RACGAP1: variants seen among roughly 807,000 people sequenced by gnomAD.
RACGAP1 encodes rac GTPase-activating protein 1.
In RACGAP1, 30 loss-of-function variants were observed where a neutral mutation model predicts 78.1. The ratio of observed to expected loss-of-function variants is 0.38; its 90% confidence interval spans 0.29 to 0.52. The LOEUF is 0.52. RACGAP1 is among the 20% of genes least tolerant of loss of function. The probability of loss-of-function intolerance (pLI) is 0.82; values close to 1 mark genes in which losing one functional copy is unlikely to be tolerated. For missense variants in RACGAP1, 587 were observed against 777.1 expected (o/e 0.76, Z 2.91); for synonymous variants, 231 against 264.8 (o/e 0.87, Z 1.24).
intron 12 of RACGAP1, among the ~76,000 whole-genome samples, chr12:49,993,908 G>C (rs990666912): frequency 1.3e-5 from 2 of 150,256 alleles, no homozygotes; most frequent in African/African-American, 4.9e-5. Flanking sequence ...AACCAGGCAT[G>C]GTGGCACACG....
Position 50,006,566 on chromosome 12 carries a change from C to T in RACGAP1, c.156G>A (p.Gly52=). The T allele has an allele frequency of 6.2e-7, 1 of 1,614,194 alleles. No individual in the cohort carries two copies. The highest frequency in any genetic ancestry group is 8.5e-7 in the Non-Finnish European group (1 of 1,180,028). ...CTTTCATCAAAAGATCCTTGTATTT[C>T]CCCAGCTCATGGTCAGTCCTCTGCC... The part of the protein sequence containing the change: ...KKWQRTDHEL[G]KYKDLLMKAE... The change falls in exon 3 of 17, where the codon GGG becomes GGA. Residue 52 remains glycine, a synonymous_variant. Coordinates refer to ENST00000312377, the MANE Select transcript of RACGAP1 (RefSeq NM_001319999.2).
At position 50,006,511 on chromosome 12, in the gene RACGAP1, T is replaced by C; in HGVS notation, c.211A>G (p.Lys71Glu). The C allele has an allele frequency of 6.2e-7, 1 of 1,614,208 alleles. No individual in the cohort carries two copies. The highest frequency in any genetic ancestry group is 8.5e-7 in the Non-Finnish European group (1 of 1,180,024). Residue 71 changes from lysine to glutamate, a missense_variant, in exon 3 of 17, where the codon AAG becomes GAG. Lys to Glu is a moderately conservative substitution (Grantham distance 56). Coordinates refer to ENST00000312377, the MANE Select transcript of RACGAP1 (RefSeq NM_001319999.2). ...AETERSALDV[K>E]LKHARNQVDV... ...ACCTGATTACGTGCATGCTTCAGCTTAACATCCAGAGCACTTCGCTCAGTC... is the reference window on the plus strand; with the variant it reads ...ACCTGATTACGTGCATGCTTCAGCTCAACATCCAGAGCACTTCGCTCAGTC...
In RACGAP1 at chr12:49,995,062, C is replaced by T. The variant is rs767662249; in HGVS notation, c.1045-553G>A. ...ACAGAACATGTGTAAAAAAAATGTA[C>T]AGGCGGCCAGGTGCGGTAGCTCACG... is the stretch of plus-strand genomic sequence containing the variant. On this transcript the variant is annotated intron_variant, in intron 10 of 16. Transcript: ENST00000312377. Among the ~76,000 whole-genome samples, 3 of 152,184 alleles carry T rather than the reference C, an allele frequency of 2.0e-5. No homozygotes were observed. In the East Asian group the frequency reaches 5.8e-4, roughly 29 times the overall value.
chr12:49,995,369 CAAA>C (rs200462419), intron 10 of RACGAP1, among the ~76,000 whole-genome samples: 1 of 151,784 alleles, frequency 6.6e-6, no homozygotes, highest in Non-Finnish European at 1.5e-5. Flanking sequence ...CAAAACAAAA[CAAA>C]ACAAAACAAA....
rs1020641410 is a variant in RACGAP1, at chr12:49,994,324, G to C, written c.1146C>G (p.Gly382=). The C allele has an allele frequency of 1.9e-6, 3 of 1,613,554 alleles. No individual in the cohort carries two copies. Among genetic ancestry groups the C allele is most frequent in the Non-Finnish European group, 1.7e-6 (2 of 1,179,880 alleles). ...EIEQRGLTET[G]LYRISGCDRT... ...GGTCACAGCCAGAGATCCTATACAG[G>C]CCTGTCTATTATCAAGATGACATTT... The change falls in exon 12 of 17, where the codon GGC becomes GGG. Residue 382 remains glycine (G), a synonymous_variant. Transcript: ENST00000312377.
At chr12:50,016,893 C>T in intron 1 of RACGAP1, 174 bp from the exon 2 acceptor site, 1 of 1,376,944 alleles carries the variant, frequency 7.3e-7, no homozygotes, top group East Asian at 2.6e-5. Context: ...TAAAAACAAA[C>T]TTGGAATGTT....
chr12:50,028,975 T>C (rs1302098682), upstream of RACGAP1, among the ~76,000 whole-genome samples: 1 of 151,882 alleles, frequency 6.6e-6, no homozygotes, highest in Non-Finnish European at 1.5e-5. Flanking sequence ...CCCAGCACTT[T>C]GGGAGGCCGA....
intron 2 of RACGAP1, among the ~76,000 whole-genome samples, chr12:50,012,809 A>T (rs1200658952): frequency 6.6e-6 from 1 of 151,330 alleles, no homozygotes; most frequent in African/African-American, 2.4e-5. Flanking sequence ...CACCCCTGTA[A>T]TCCCAGCACT....
chr12:50,006,835 C>G (rs995671213), intron 2 of RACGAP1, among the ~76,000 whole-genome samples, 199 bp from the exon 3 acceptor site: 1 of 152,164 alleles, frequency 6.6e-6, no homozygotes, highest in Admixed American at 6.5e-5. Flanking sequence ...GGTAGCAATT[C>G]CTATTCAATA....
intron 9 of RACGAP1, among the ~76,000 whole-genome samples, chr12:49,998,145 G>A (rs992905584): frequency 5.3e-5 from 8 of 152,000 alleles, no homozygotes; most frequent in African/African-American, 1.9e-4. Context: ...GCTCACGCCT[G>A]TAATCCCAGC....
chr12:50,006,035 T>C (rs1232046183), intron 3 of RACGAP1, among the ~76,000 whole-genome samples: 2 of 152,208 alleles, frequency 1.3e-5, no homozygotes, highest in Non-Finnish European at 2.9e-5. Context: ...TTGTCTTGCC[T>C]GTATGTATGA....
intron 5 of RACGAP1, 124 bp from the exon 6 acceptor site, chr12:50,002,424 G>T (rs939354831): frequency 1.5e-6 from 1 of 689,410 alleles, no homozygotes; most frequent in Non-Finnish European, 2.4e-6. Context: ...ACAATTCGGG[G>T]AGGGTTAGAG....
rs1948493028 is a variant in RACGAP1 at position 49,999,162 on chromosome 12, C to T, written c.858G>A (p.Leu286=). 3 of 1,596,174 alleles carry T rather than the reference C, an allele frequency of 1.9e-6. No homozygotes were observed. Among genetic ancestry groups the T allele is most frequent in the Non-Finnish European group, 1.7e-6 (2 of 1,175,556 alleles). The part of the protein sequence containing the change: ...GTPQSNGGMR[L]HDFVSKTVIK... ...TTACCGTCTTAGAAACAAAGTCATG[C>T]AGGCGCATCCCTCCATTACTCTGTG... Residue 286 remains leucine, a synonymous_variant, in exon 9 of 17, where the codon CTG becomes CTA. Coordinates refer to ENST00000312377, the MANE Select transcript of RACGAP1 (RefSeq NM_001319999.2).
At chr12:49,999,510 T>G (rs1440665900) in intron 8 of RACGAP1, 106 bp downstream of exon 8, 1 of 1,074,778 alleles carries the variant, frequency 9.3e-7, no homozygotes, top group East Asian at 2.4e-5. Context: ...AGTAAGAAAC[T>G]ACCCAATACA....
At position 49,991,461 on chromosome 12, in the gene RACGAP1, A is replaced by G. The variant is rs781251009; in HGVS notation, c.1714+537T>C. On this transcript the variant is annotated intron_variant, in intron 15 of 16. Transcript: ENST00000312377. ...GAATGAATTATATTTAAACTATTAT[A>G]TATATATATATATATATATTTTTTT... Among the ~76,000 whole-genome samples the G allele has an allele frequency of 3.8e-3, 66 of 17,444 alleles. 1 individual carries two copies. The highest frequency in any genetic ancestry group is 0.016 in the Admixed American group (22 of 1,386). The allele number at this position is 17,444 out of a possible 152,430, so 11.4% of individuals were successfully genotyped here.
chr12:50,027,937 T>C (rs1950295189), upstream of RACGAP1, among the ~76,000 whole-genome samples: 2 of 152,166 alleles, frequency 1.3e-5, no homozygotes, highest in South Asian at 4.1e-4. Flanking sequence ...TAAGTGAGTG[T>C]GATGCTTCTT....
In RACGAP1 at chr12:49,989,509, G is replaced by C. The variant is rs2137190402; in HGVS notation, c.*759C>G. On this transcript the variant is annotated 3_prime_UTR_variant, in exon 17 of 17. Coordinates refer to ENST00000312377, the MANE Select transcript of RACGAP1 (RefSeq NM_001319999.2). Reference sequence around the variant, plus strand: ...CCACTGGACAAGGTTGGGGGTATGGGGGCCAAGCATCAGAATGAATTCAAT... The same window carrying C: ...CCACTGGACAAGGTTGGGGGTATGGCGGCCAAGCATCAGAATGAATTCAAT... 2 of 152,258 alleles carry C rather than the reference G, an allele frequency of 1.3e-5. No individual in the cohort carries two copies. Among genetic ancestry groups the C allele is most frequent in the Admixed American group, 1.3e-4 (2 of 15,290 alleles). The allele number at this position is 152,258 out of a possible 1,614,324, so 9.4% of individuals were successfully genotyped here.
intron 1 of RACGAP1, chr12:50,021,288 A>G: frequency 5.0e-6 from 1 of 201,242 alleles, no homozygotes; most frequent in Non-Finnish European, 8.8e-6. Context: ...GGGAAAGCTG[A>G]AACGATCCCT....
At chr12:50,010,481 G>A (rs73119660) in intron 2 of RACGAP1, among the ~76,000 whole-genome samples, 13,833 of 151,714 alleles carry the variant, frequency 0.091, 732 homozygotes, top group South Asian at 0.15. Context: ...ATGCTACCAC[G>A]CCCGGCTAAC....
Sources: gnomAD v4.1 joint callset for allele counts (sites outside exome capture counted in the v4.1 genomes callset) on GRCh38, gnomAD v4.1.1 for gene constraint, MANE v1.5 for transcripts, NCBI Gene and HGNC (gene_info 2026-07-23, HGNC 2026-07-21) for gene names.